CADM2: variants seen among roughly 807,000 people sequenced by gnomAD.
CADM2 encodes the protein immunoglobulin superfamily member 4D.
CADM2 carries 12 observed loss-of-function variants against 49.8 expected under a neutral mutation model. The observed-to-expected ratio is 0.24, with a 90% CI of 0.15 to 0.39. The LOEUF is 0.39. Ranked by LOEUF, CADM2 falls within the 10% of genes least tolerant of loss-of-function variation. CADM2 has a pLI of 1.00. For missense variants in CADM2, 378 were observed against 492.3 expected (o/e 0.77, Z 2.20); for synonymous variants, 214 against 175.4 (o/e 1.22, Z -1.74).
intron 8 of CADM2, among the ~76,000 whole-genome samples, chr3:86,025,651 G>T (rs10511065): frequency 0.02 from 3,116 of 152,172 alleles, 87 homozygotes; most frequent in African/African-American, 0.062. Context: ...CTTATTAGGA[G>T]AAGGTAGGCA....
chr3:85,079,500 C>A (rs915962607), intron 1 of CADM2, among the ~76,000 whole-genome samples: 1 of 151,660 alleles, frequency 6.6e-6, no homozygotes, highest in Non-Finnish European at 1.5e-5. Context: ...ACAAGAAATA[C>A]TTTAAATATT....
chr3:85,134,361 C>G (rs903191134), intron 1 of CADM2, among the ~76,000 whole-genome samples: 2 of 152,226 alleles, frequency 1.3e-5, no homozygotes, highest in Non-Finnish European at 2.9e-5. Flanking sequence ...AGTGGGAGCC[C>G]AGGCAGAGGA....
At chr3:85,487,722 C>T (rs1171876918) in intron 1 of CADM2, among the ~76,000 whole-genome samples, 1 of 151,530 alleles carries the variant, frequency 6.6e-6, no homozygotes, top group Non-Finnish European at 1.5e-5. Context: ...AGAAATAAAC[C>T]TCTGTGTGTG....
rs139672812 is a variant in CADM2 at position 85,471,744 on chromosome 3, T to A, written c.62-254778T>A. On this transcript the variant is annotated intron_variant, in intron 1 of 9. Transcript: ENST00000383699. ...TTTTATTATACTTTAAGTTCTGGGG[T>A]ACATGTAAGTTTGTTATACAGCTGA... 9.5e-3 allele frequency among the ~76,000 whole-genome samples: 1,287 copies of A among 135,768 alleles called. 23 individuals are homozygous for A. The highest frequency in any genetic ancestry group is 0.032 in the African/African-American group (1,240 of 38,470). 89.1% of individuals were successfully genotyped at this position (135,768 alleles called of 152,430 possible).
intron 1 of CADM2, among the ~76,000 whole-genome samples, chr3:85,465,105 G>A (rs552984840): frequency 2.8e-4 from 42 of 152,204 alleles, no homozygotes; most frequent in African/African-American, 8.2e-4. Flanking sequence ...AGCTGAGATC[G>A]CGCCACTGCA....
intron 1 of CADM2, among the ~76,000 whole-genome samples, chr3:85,356,343 G>T (rs77278161): frequency 0.019 from 2,899 of 152,104 alleles, 86 homozygotes; most frequent in African/African-American, 0.065. Context: ...TTGCAGAGAA[G>T]GAAGAGCTGT....
At chr3:85,480,053 T>C (rs1049847168) in intron 1 of CADM2, among the ~76,000 whole-genome samples, 58 of 151,928 alleles carry the variant, frequency 3.8e-4, no homozygotes, top group African/African-American at 1.2e-3. Flanking sequence ...TACTTCTAAT[T>C]GAAGGTTATG....
At chr3:85,878,547 G>C (rs1712258228) in intron 3 of CADM2, among the ~76,000 whole-genome samples, 1 of 151,954 alleles carries the variant, frequency 6.6e-6, no homozygotes, top group Non-Finnish European at 1.5e-5. Flanking sequence ...TGTCATTGTA[G>C]ATGTATTTGA....
intron 3 of CADM2, among the ~76,000 whole-genome samples, chr3:85,873,894 G>A (rs1453101819): frequency 1.3e-5 from 2 of 151,848 alleles, no homozygotes; most frequent in Non-Finnish European, 2.9e-5. Context: ...ATCCCCAAAA[G>A]GGAAATATTA....
At chr3:85,994,974 G>A (rs1423626313) in intron 8 of CADM2, among the ~76,000 whole-genome samples, 3 of 134,882 alleles carry the variant, frequency 2.2e-5, no homozygotes, top group Non-Finnish European at 3.0e-5. Context: ...GGTGCCAGCC[G>A]ACTAGGTCAA....
intron 1 of CADM2, among the ~76,000 whole-genome samples, chr3:85,572,426 C>T (rs1264048958): frequency 6.6e-6 from 1 of 151,856 alleles, no homozygotes; most frequent in Non-Finnish European, 1.5e-5. Flanking sequence ...ATAGGGTTCT[C>T]CAGAAAGAAG....
chr3:85,871,672 T>A (rs3930071), intron 3 of CADM2, among the ~76,000 whole-genome samples: 1 of 151,920 alleles, frequency 6.6e-6, no homozygotes, highest in Non-Finnish European at 1.5e-5. Flanking sequence ...TGTCAGATAG[T>A]GCATACTCCA....
At chr3:85,466,830 C>T (rs772353209) in intron 1 of CADM2, among the ~76,000 whole-genome samples, 1 of 151,776 alleles carries the variant, frequency 6.6e-6, no homozygotes, top group African/African-American at 2.4e-5. Flanking sequence ...TATTTTCAGA[C>T]AGTCTTGGAA....
At chr3:85,005,666 A>G (rs2033682689) in intron 1 of CADM2, among the ~76,000 whole-genome samples, 1 of 152,054 alleles carries the variant, frequency 6.6e-6, no homozygotes, top group Non-Finnish European at 1.5e-5. Flanking sequence ...TGTTTTACCA[A>G]GAAGCAGATG....
At position 86,071,066 on chromosome 3, in the gene CADM2, C is replaced by G. The variant is rs576542907; in HGVS notation, c.*4283C>G. 3 of 151,926 alleles carry G rather than the reference C, an allele frequency of 2.0e-5. No homozygotes were observed. Among genetic ancestry groups the G allele is most frequent in the South Asian group, 4.1e-4 (2 of 4,826 alleles). 9.4% of individuals were successfully genotyped at this position (151,926 alleles called of 1,614,324 possible). On this transcript the variant is annotated 3_prime_UTR_variant, in exon 10 of 10. Transcript: ENST00000383699. ...TAATTCAAGGACAAGTTAAGTTTTT[C>G]TTATTAATGTGACACAGTAACATTT...
At chr3:85,436,643 A>T (rs569642746) in intron 1 of CADM2, among the ~76,000 whole-genome samples, 1 of 152,316 alleles carries the variant, frequency 6.6e-6, no homozygotes, top group East Asian at 1.9e-4. Context: ...ACCAGAATAA[A>T]TTTGAAAGTG....
chr3:86,043,527 A>T (rs548878246), intron 8 of CADM2, among the ~76,000 whole-genome samples: 1 of 152,314 alleles, frequency 6.6e-6, no homozygotes, highest in African/African-American at 2.4e-5. Context: ...GATGTGAAGG[A>T]CCTCTTCAAG....
intron 1 of CADM2, among the ~76,000 whole-genome samples, chr3:85,389,309 A>C (rs1355729430): frequency 6.6e-6 from 1 of 152,150 alleles, no homozygotes; most frequent in Non-Finnish European, 1.5e-5. Flanking sequence ...AAATAGTGTA[A>C]CAAGTAGTAT....
rs73845640 is a variant in CADM2 at position 85,757,265 on chromosome 3, G to A, written c.88+30717G>A. Among the ~76,000 whole-genome samples the A allele has an allele frequency of 5.3e-5, 8 of 151,980 alleles. No individual in the cohort carries two copies. The East Asian group carries it at 5.8e-4, about 11-fold the overall frequency. On this transcript the variant is annotated intron_variant, in intron 2 of 9. Coordinates refer to ENST00000383699, the MANE Select transcript of CADM2 (RefSeq NM_001167675.2). ...AAAGATAAGAGTTTGGCTTGAAGAC[G>A]CGTATTTGTTCATGCTTTAACTTAT...
Sources: allele counts gnomAD v4.1 joint callset (sites outside exome capture counted in the v4.1 genomes callset), GRCh38; gene constraint gnomAD v4.1.1; transcripts MANE v1.5; gene names NCBI Gene and HGNC (gene_info 2026-07-23, HGNC 2026-07-21).